Variants in BIRC6 observed in about 807,000 individuals in gnomAD.
BIRC6 encodes the protein baculoviral IAP repeat containing 6.
BIRC6 carries 98 observed loss-of-function variants against 503.3 expected under a neutral mutation model. That is an observed-to-expected ratio of 0.19 (90% confidence interval 0.17 to 0.23). BIRC6 has a LOEUF of 0.23. BIRC6 is among the 10% of genes least tolerant of loss of function. The probability of loss-of-function intolerance (pLI) is 1.00; values close to 1 mark genes in which losing one functional copy is unlikely to be tolerated. For synonymous variants in BIRC6, 2,240 were observed against 2,078.7 expected (o/e 1.08, Z -2.11); for missense variants, 5,360 against 5,806.0 (o/e 0.92, Z 2.50).
intron 65 of BIRC6, among the ~76,000 whole-genome samples, chr2:32,570,191 T>A (rs2059823243): frequency 6.6e-6 from 1 of 152,228 alleles, no homozygotes; most frequent in African/African-American, 2.4e-5. Flanking sequence ...TTTATTATGT[T>A]GTTATGATGT....
chr2:32,567,788 A>G (rs1178065482), intron 65 of BIRC6, among the ~76,000 whole-genome samples: 1 of 152,156 alleles, frequency 6.6e-6, no homozygotes, highest in Non-Finnish European at 1.5e-5. Context: ...TGTATACCAA[A>G]ATGATGTACC....
intron 44 of BIRC6, among the ~76,000 whole-genome samples, 154 bp downstream of exon 44, chr2:32,491,712 T>C (rs918671211): frequency 6.6e-6 from 1 of 152,236 alleles, no homozygotes; most frequent in Admixed American, 6.5e-5. Context: ...TAATAATAGC[T>C]ATACTGACAC....
intron 26 of BIRC6, among the ~76,000 whole-genome samples, chr2:32,467,097 C>T (rs867455320): frequency 2.4e-4 from 34 of 142,270 alleles, no homozygotes; most frequent in African/African-American, 8.2e-4. Context: ...CCAGCCTGGG[C>T]GACAGATCGA....
Position 32,547,881 on chromosome 2 carries a change from C to T in BIRC6, c.12842C>T (p.Ser4281Leu). Residue 4281 changes from serine (S) to leucine (L), a missense_variant, in exon 64 of 74, where the codon TCA becomes TTA. By Grantham distance (145) the Ser-to-Leu change is moderately radical. Coordinates refer to ENST00000421745, the MANE Select transcript of BIRC6 (RefSeq NM_016252.4). ...PQVSSSHNPT[S>L]TEEQQLYWAK... Reference sequence around the variant, plus strand: ...GTGTCAAGCTCTCATAACCCTACATCAACAGAAGAACAACAGTTATATTGG... The same window carrying T: ...GTGTCAAGCTCTCATAACCCTACATTAACAGAAGAACAACAGTTATATTGG... The T allele has an allele frequency of 6.2e-7, 1 of 1,608,034 alleles. No individual in the cohort carries two copies. Among genetic ancestry groups the T allele is most frequent in the Non-Finnish European group, 8.5e-7 (1 of 1,178,040 alleles).
intron 66 of BIRC6, among the ~76,000 whole-genome samples, chr2:32,577,787 A>C (rs978483355): frequency 6.6e-6 from 1 of 152,220 alleles, no homozygotes; most frequent in Non-Finnish European, 1.5e-5. Flanking sequence ...ATAGAGGATA[A>C]CTGAGTTTCA....
chr2:32,440,667 T>C (rs549001631), intron 16 of BIRC6, among the ~76,000 whole-genome samples: 1 of 152,234 alleles, frequency 6.6e-6, no homozygotes, highest in East Asian at 1.9e-4. Flanking sequence ...CCTCCCTTTT[T>C]TAAATACTGA....
chr2:32,593,804 T>C, intron 66 of BIRC6, 111 bp from the exon 67 acceptor site: 3 of 943,428 alleles, frequency 3.2e-6, no homozygotes, highest in Admixed American at 2.8e-5. Context: ...ATATAGATCA[T>C]GTGTGTGACA....
Position 32,467,678 on chromosome 2 carries a change from T to C in BIRC6, c.5510T>C (p.Ile1837Thr), listed in dbSNP as rs1292906073. The C allele has an allele frequency of 2.5e-6, 4 of 1,613,782 alleles. No homozygotes were observed. Among genetic ancestry groups the C allele is most frequent in the South Asian group, 1.1e-5 (1 of 91,082 alleles). Reference protein sequence around the residue: ...DGRRLVVATDISTHSLILHDL... With the variant: ...DGRRLVVATDTSTHSLILHDL... ...AGGCGGTTGGTAGTGGCAACTGATATAAGCACTCATTCACTAATTCTTCAT... is the reference window on the plus strand; with the variant it reads ...AGGCGGTTGGTAGTGGCAACTGATACAAGCACTCATTCACTAATTCTTCAT... Residue 1837 changes from isoleucine (I) to threonine (T), a missense_variant, in exon 27 of 74, where the codon ATA becomes ACA. Ile to Thr is a moderately conservative substitution (Grantham distance 89, BLOSUM62 -1). This residue lies in a region of BIRC6 where 2,299 missense variants were observed against 2,267.2 expected (regional missense o/e 1.01). Transcript: ENST00000421745.
chr2:32,510,078 G>A, intron 52 of BIRC6, 84 bp downstream of exon 52: 1 of 1,435,300 alleles, frequency 7.0e-7, no homozygotes, highest in Non-Finnish European at 9.4e-7. Flanking sequence ...GCTTAACTCT[G>A]TTTTGGGAAT....
Position 32,485,674 on chromosome 2 carries a change from A to C in BIRC6, c.7728A>C (p.Glu2576Asp). 1 of 1,613,636 alleles carries C rather than the reference A, an allele frequency of 6.2e-7. No individual in the cohort carries two copies. Among genetic ancestry groups the C allele is most frequent in the Non-Finnish European group, 8.5e-7 (1 of 1,179,636 alleles). Residue 2576 changes from glutamate (E) to aspartate (D), a missense_variant, in exon 40 of 74, where the codon GAA (glutamate) becomes GAC (aspartate). Transcript: ENST00000421745. The part of the protein sequence containing the change: ...ALDARLEVGL[E>D]QQAELMLKMM... ...ATGCTCGCCTAGAAGTTGGACTTGAACAGCAAGCAGAACTGATGTTGAAAA... is the reference window on the plus strand; with the variant it reads ...ATGCTCGCCTAGAAGTTGGACTTGACCAGCAAGCAGAACTGATGTTGAAAA...
chr2:32,357,339 G>T lies in BIRC6; in HGVS notation c.178G>T (p.Asp60Tyr). Residue 60 changes from aspartate (D) to tyrosine (Y), a missense_variant, in exon 1 of 74, where the codon GAC becomes TAC. Physicochemically the swap from Asp to Tyr is radical, Grantham distance 160. Coordinates refer to ENST00000421745, the MANE Select transcript of BIRC6 (RefSeq NM_016252.4). This position sits in a 1 kb window ranked among gnomAD's most constrained non-coding sequence, Gnocchi z 4.9. ...AGVSEWLVLR[D>Y]GCMHCDADGL... Reference sequence around the variant, plus strand: ...GGTCTCAGAGTGGCTGGTGCTGCGGGACGGCTGCATGCACTGCGACGCCGA... The same window carrying T: ...GGTCTCAGAGTGGCTGGTGCTGCGGTACGGCTGCATGCACTGCGACGCCGA... 6.5e-7 allele frequency: 1 copy of T among 1,541,824 alleles called. No individual in the cohort carries two copies. Among genetic ancestry groups the T allele is most frequent in the Non-Finnish European group, 8.7e-7 (1 of 1,145,312 alleles).
At chr2:32,598,004 C>T in intron 69 of BIRC6, 36 bp downstream of exon 69, 2 of 1,508,698 alleles carry the variant, frequency 1.3e-6, no homozygotes, top group Non-Finnish European at 1.8e-6. Context: ...TCTCCCTTAT[C>T]TCCTTGGCTC....
rs551305956 is a variant in BIRC6, at chr2:32,426,268, G to T, written c.2873-2878G>T. Reference sequence around the variant, plus strand: ...TAAAATATGTAGGAACTTTGCTCTTGTCTCTCCCCACCCCATACATTACAT... The same window carrying T: ...TAAAATATGTAGGAACTTTGCTCTTTTCTCTCCCCACCCCATACATTACAT... On this transcript the variant is annotated intron_variant, in intron 10 of 73. Transcript: ENST00000421745. 4.6e-5 allele frequency among the ~76,000 whole-genome samples: 7 copies of T among 152,222 alleles called. No individual in the cohort carries two copies. The South Asian group carries it at 1.5e-3, about 32-fold the overall frequency.
chr2:32,479,687 G>C, intron 37 of BIRC6, 70 bp downstream of exon 37: 2 of 1,328,726 alleles, frequency 1.5e-6, no homozygotes, highest in East Asian at 2.6e-5. Context: ...AAGAATGTTA[G>C]AGAAAAATAA....
rs1284082638 is a variant in BIRC6 at position 32,357,556 on chromosome 2, C to G, written c.325+70C>G. 1.3e-6 allele frequency: 2 copies of G among 1,503,338 alleles called. No individual in the cohort carries two copies. Among genetic ancestry groups the G allele is most frequent in the Non-Finnish European group, 1.8e-6 (2 of 1,130,454 alleles). 93.1% of individuals were successfully genotyped at this position (1,503,338 alleles called of 1,614,324 possible). On this transcript the variant is annotated intron_variant, in intron 1 of 73. Coordinates refer to ENST00000421745, the MANE Select transcript of BIRC6 (RefSeq NM_016252.4). This position sits in a 1 kb window ranked among gnomAD's most constrained non-coding sequence, Gnocchi z 4.9. ...GCCGTCCAGCCCCGGGGCTCGGCCT[C>G]GCGACTCGGGGAAGCGAGATGGCGA... is the stretch of plus-strand genomic sequence containing the variant.
At chr2:32,569,256 C>T (rs928155356) in intron 65 of BIRC6, among the ~76,000 whole-genome samples, 2 of 151,988 alleles carry the variant, frequency 1.3e-5, no homozygotes, top group African/African-American at 2.4e-5. Flanking sequence ...CCCAAAGTGC[C>T]GAGATTATAG....
intron 61 of BIRC6, among the ~76,000 whole-genome samples, chr2:32,535,514 C>T (rs995634557): frequency 2.0e-5 from 3 of 152,090 alleles, no homozygotes; most frequent in Non-Finnish European, 4.4e-5. Context: ...TCCATGTGTT[C>T]TCATTGTTCA....
intron 66 of BIRC6, among the ~76,000 whole-genome samples, chr2:32,580,924 C>T (rs2060630839): frequency 6.6e-6 from 1 of 152,176 alleles, no homozygotes; most frequent in East Asian, 1.9e-4. Context: ...GCAGATTTAT[C>T]TCTAGGGATC....
chr2:32,452,734 C>T (rs1192721423), intron 22 of BIRC6, among the ~76,000 whole-genome samples: 1 of 152,040 alleles, frequency 6.6e-6, no homozygotes, highest in African/African-American at 2.4e-5. Context: ...TTAAATTTCT[C>T]TTAAGTAAAA....
Sources: gnomAD v4.1 joint callset for allele counts (sites outside exome capture counted in the v4.1 genomes callset) on GRCh38, gnomAD v4.1.1 for gene constraint, gnomAD v4.1.1 regional missense constraint, Gnocchi (gnomAD v3.1) non-coding constraint, MANE v1.5 for transcripts, NCBI Gene and HGNC (gene_info 2026-07-23, HGNC 2026-07-21) for gene names.